The following MYH1 variants were observed in gnomAD, a reference collection of about 807,000 sequenced individuals.
The protein encoded by MYH1 is myosin-1.
In MYH1, 214 loss-of-function variants were observed where a neutral mutation model predicts 225.6. The observed-to-expected ratio is 0.95, with a 90% CI of 0.85 to 1.06. The LOEUF is 1.06. Among genes scored for constraint, MYH1 ranks in the 50% least tolerant of loss-of-function variants. The pLI is 0.00. For missense variants in MYH1, 2,098 were observed against 2,344.2 expected, an observed-to-expected ratio of 0.89 and a Z score of 2.17; for synonymous variants, 774 against 842.3, an observed-to-expected ratio of 0.92 and a Z score of 1.40.
intron 9 of MYH1, among the ~76,000 whole-genome samples, chr17:10,513,403 T>C (rs146777451): frequency 0.01 from 1,583 of 152,306 alleles, 28 homozygotes; most frequent in Admixed American, 0.044. Flanking sequence ...TGGAATACTT[T>C]GGACATGCCC....
In MYH1 at chr17:10,512,773, T is replaced by A. The variant is rs977895803; in HGVS notation, c.916A>T (p.Ile306Phe). 1 of 1,614,102 alleles carries A rather than the reference T, an allele frequency of 6.2e-7. No individual in the cohort carries two copies. Among genetic ancestry groups the A allele is most frequent in the East Asian group, 2.2e-5 (1 of 44,876 alleles). ...GCATAATCGTATGGGTTGGTGGTGATCAGGAGCATTTCTGGGTCACAGAAT... is the reference window on the plus strand; with the variant it reads ...GCATAATCGTATGGGTTGGTGGTGAACAGGAGCATTTCTGGGTCACAGAAT... Reference protein sequence around the residue: ...KKPDLIEMLLITTNPYDYAFV... With the variant: ...KKPDLIEMLLFTTNPYDYAFV... Residue 306 changes from isoleucine to phenylalanine, a missense_variant, in exon 11 of 40, where the codon ATC (isoleucine) becomes TTC (phenylalanine). Ile to Phe is a conservative substitution (Grantham distance 21, BLOSUM62 0). Transcript: ENST00000226207.
At chr17:10,498,571 AT>A (rs753253448) in intron 30 of MYH1, 54 bp downstream of exon 30, 425 of 1,608,624 alleles carry the variant, frequency 2.6e-4, no homozygotes, top group Non-Finnish European at 2.8e-4. Context: ...AGTTTTTCAT[AT>A]GTTTTGGGAG....
intron 30 of MYH1, 81 bp from the exon 31 acceptor site, chr17:10,497,998 C>T: frequency 1.5e-6 from 2 of 1,309,998 alleles, no homozygotes; most frequent in Admixed American, 5.0e-5. Flanking sequence ...GTGAATTCCA[C>T]AATCAGACTT....
In MYH1 at chr17:10,514,777, T is replaced by C; in HGVS notation, c.533+91A>G. ...GTTCCAGGTTGATCATTCAGTGCTT[T>C]AGTAGAGAACATTAACTAATTTCTT... On this transcript the variant is annotated intron_variant, in intron 6 of 39. Coordinates refer to ENST00000226207, the MANE Select transcript of MYH1 (RefSeq NM_005963.4). 4 of 1,149,268 alleles carry C rather than the reference T, an allele frequency of 3.5e-6. No individual in the cohort carries two copies. In the Admixed American group the frequency reaches 7.1e-5, roughly 21 times the overall value. The allele number at this position is 1,149,268 out of a possible 1,614,324, so 71.2% of individuals were successfully genotyped here.
chr17:10,509,444 G>A (rs764257663), intron 15 of MYH1, 41 bp downstream of exon 15: 3 of 1,613,616 alleles, frequency 1.9e-6, no homozygotes, highest in Non-Finnish European at 2.5e-6. Context: ...TTTAAATACT[G>A]TACAGCAGTA....
Position 10,503,236 on chromosome 17 carries a change from A to T in MYH1, c.2704T>A (p.Leu902Met), listed in dbSNP as rs756117755. ...TCACACCTTTCCTCTGCATCAGCCA[A>T]GCTGTCAGCTTCCTGAGAAGAGGCA... is the stretch of plus-strand genomic sequence containing the variant. ...QLQVQAEADS[L>M]ADAEERCDQL... Residue 902 changes from leucine (L) to methionine (M), a missense_variant, in exon 23 of 40, where the codon TTG becomes ATG. Leu to Met is a conservative substitution (Grantham distance 15). Coordinates refer to ENST00000226207, the MANE Select transcript of MYH1 (RefSeq NM_005963.4). 4 of 1,614,192 alleles carry T rather than the reference A, an allele frequency of 2.5e-6. No individual in the cohort carries two copies. In the South Asian group the frequency reaches 3.3e-5, roughly 13 times the overall value.
At chr17:10,492,592 A>C in intron 39 of MYH1, 24 bp from the exon 40 acceptor site, 5 of 1,588,766 alleles carry the variant, frequency 3.1e-6, no homozygotes, top group Non-Finnish European at 4.3e-6. Flanking sequence ...TCCATTTATG[A>C]GGGAAGAAAG....
Position 10,500,662 on chromosome 17 carries a change from G to C in MYH1, c.3829C>G (p.Leu1277Val). ...EEEQQRLIND[L>V]TAQRARLQTE... Reference sequence around the variant, plus strand: ...TGCAGGCGCGCTCTCTGTGCTGTGAGGTCATTGATCAGCCGCTGCTGCTCC... The same window carrying C: ...TGCAGGCGCGCTCTCTGTGCTGTGACGTCATTGATCAGCCGCTGCTGCTCC... Residue 1277 changes from leucine (L) to valine (V), a missense_variant, in exon 28 of 40, where the codon CTC becomes GTC. Transcript: ENST00000226207. 1 of 1,613,952 alleles carries C rather than the reference G, an allele frequency of 6.2e-7. No homozygotes were observed. The highest frequency in any genetic ancestry group is 1.3e-5 in the African/African-American group (1 of 75,008).
At position 10,516,262 on chromosome 17, in the gene MYH1, A is replaced by G; in HGVS notation, c.285T>C (p.Thr95=). ...ACAGCACAGCAGGCTCGTGTAGATG[A>G]GTCATCATGGCCATGTCCTCGATCT... ...YDKIEDMAMM[T]HLHEPAVLYN... is the part of the protein sequence containing the mutation. The change falls in exon 4 of 40, where the codon ACT becomes ACC. Residue 95 remains threonine (T), a synonymous_variant. Transcript: ENST00000226207. 6.2e-7 allele frequency: 1 copy of G among 1,613,508 alleles called. No individual in the cohort carries two copies. Among genetic ancestry groups the G allele is most frequent in the Admixed American group, 1.7e-5 (1 of 59,986 alleles).
At chr17:10,500,541 CAAGTA>C (rs2073041846) in intron 28 of MYH1, 80 bp downstream of exon 28, 1 of 1,588,660 alleles carries the variant, frequency 6.3e-7, no homozygotes, top group Admixed American at 1.7e-5. Context: ...TATATGACCT[CAAGTA>C]AATAAATGCA....
intron 15 of MYH1, among the ~76,000 whole-genome samples, chr17:10,508,882 TGACAGAGTAA>T (rs2073144436): frequency 6.6e-6 from 1 of 152,228 alleles, no homozygotes; most frequent in African/African-American, 2.4e-5. Context: ...CTCTGGGATA[TGACAGAGTAA>T]GACAGATGAA....
At chr17:10,498,510 A>G in intron 30 of MYH1, 116 bp downstream of exon 30, 1 of 1,419,068 alleles carries the variant, frequency 7.0e-7, no homozygotes, top group Non-Finnish European at 9.7e-7. Flanking sequence ...ATCTACCAAA[A>G]CATTAATTCC....
chr17:10,501,656 T>C lies in MYH1; in HGVS notation c.3286A>G (p.Ser1096Gly). The change falls in exon 26 of 40, where the codon AGC (serine) becomes GGC (glycine). Residue 1096 changes from serine to glycine, a missense_variant. Coordinates refer to ENST00000226207, the MANE Select transcript of MYH1 (RefSeq NM_005963.4). ...AGGGCTTGTTCATCTTCAATCTTGC[T>C]TTGCAGACCGCTCATTTCAAACTCT... The part of the protein sequence containing the change: ...KKEFEMSGLQ[S>G]KIEDEQALGM... The C allele has an allele frequency of 6.2e-7, 1 of 1,614,242 alleles. No individual in the cohort carries two copies. The highest frequency in any genetic ancestry group is 8.5e-7 in the Non-Finnish European group (1 of 1,180,048).
rs145723889 is a variant in MYH1 at position 10,512,291 on chromosome 17, T to C, written c.1148-99A>G. On this transcript the variant is annotated intron_variant, in intron 12 of 39. Coordinates refer to ENST00000226207, the MANE Select transcript of MYH1 (RefSeq NM_005963.4). ...TAAATAACTTTGTAGAAAGTCTGTG[T>C]GTGGGTACATCTGAGTATGTCCATC... is the stretch of plus-strand genomic sequence containing the variant. 3.3e-4 allele frequency: 527 copies of C among 1,590,906 alleles called. 2 individuals are homozygous for C. The African/African-American group carries it at 6.3e-3, about 19-fold the overall frequency.
chr17:10,509,580 C>T lies in MYH1; in HGVS notation c.1492G>A (p.Val498Met), dbSNP rs534998190. The T allele has an allele frequency of 1.5e-5, 25 of 1,614,188 alleles. No individual in the cohort carries two copies. In the East Asian group the frequency reaches 2.7e-4, roughly 17 times the overall value. Residue 498 changes from valine to methionine, a missense_variant, in exon 15 of 40, where the codon GTG becomes ATG. Transcript: ENST00000226207. ...TTCTTGTACTCCTCCTGCTCCAGCA[C>T]GAACATGTGGTGGTTGAAAAACTGT... Reference protein sequence around the residue: ...LQQFFNHHMFVLEQEEYKKEG... With the variant: ...LQQFFNHHMFMLEQEEYKKEG...
chr17:10,495,214 TTC>T lies in MYH1; in HGVS notation c.5271_5272del (p.Lys1758GlyfsTer7), dbSNP rs1485107177. 5.0e-6 allele frequency: 8 copies of T among 1,614,118 alleles called. No homozygotes were observed. The East Asian group carries it at 1.8e-4, about 36-fold the overall frequency. On this transcript the variant is annotated frameshift_variant, in exon 36 of 40. Coordinates refer to ENST00000226207, the MANE Select transcript of MYH1 (RefSeq NM_005963.4). LOFTEE classifies it high-confidence loss of function. ...CACATCAGTGATGGCCTTCTTGGCC[TTC>T]TCTTCTGCATTGCGGGCTTCCTGGA...
At chr17:10,500,183 T>C (rs898444792) in intron 28 of MYH1, among the ~76,000 whole-genome samples, 1 of 152,144 alleles carries the variant, frequency 6.6e-6, no homozygotes, top group African/African-American at 2.4e-5. Context: ...ATGGGGATAG[T>C]ATTACACAGA....
intron 39 of MYH1, among the ~76,000 whole-genome samples, chr17:10,492,968 C>T (rs1226165637): frequency 2.0e-5 from 3 of 151,832 alleles, no homozygotes; most frequent in Admixed American, 1.3e-4. Context: ...TAAGTTATTG[C>T]CATGTGAGTA....
rs752704552 is a variant in MYH1, at chr17:10,497,069, C to T, written c.4656G>A (p.Glu1552=). The change falls in exon 33 of 40, where the codon GAG becomes GAA. Residue 1552 remains glutamate, a splice_region_variant and synonymous_variant. Transcript: ENST00000226207. ...TTAGAGTATGCAATAAAATGCTTAC[C>T]TCTGCCTCCTCTAAGGCAGCCTGAA... ...SELQAALEEA[E]ASLEHEEGKI... 9.9e-6 allele frequency: 16 copies of T among 1,613,180 alleles called. No individual in the cohort carries two copies. The highest frequency in any genetic ancestry group is 1.4e-5 in the Non-Finnish European group (16 of 1,179,866).
Sources: allele counts gnomAD v4.1 joint callset (sites outside exome capture counted in the v4.1 genomes callset), GRCh38; gene constraint gnomAD v4.1.1; transcripts MANE v1.5; gene names NCBI Gene and HGNC (gene_info 2026-07-23, HGNC 2026-07-21).